AQP7B: variants seen among roughly 807,000 people sequenced by gnomAD.
AQP7B encodes the protein putative aquaporin-7B.
the AQP7B span, among the ~76,000 whole-genome samples, chr2:94,593,972 T>C: frequency 6.6e-6 from 1 of 152,166 alleles, no homozygotes; most frequent in African/African-American, 2.4e-5. Context: ...AGGATCTAGT[T>C]GAGAGTAAGA....
chr2:94,604,420 G>T, the AQP7B span: 27 of 1,611,262 alleles, frequency 1.7e-5, no homozygotes, highest in South Asian at 2.5e-4. Context: ...ACTCTGTGGC[G>T]TATGAAGACC....
chr2:94,595,775 C>T, the AQP7B span, among the ~76,000 whole-genome samples: 9 of 152,212 alleles, frequency 5.9e-5, no homozygotes, highest in East Asian at 7.8e-4. Context: ...GGCAAAGCGC[C>T]GATGAGCTGT....
At chr2:94,594,210 A>G in the AQP7B span, among the ~76,000 whole-genome samples, 1 of 152,304 alleles carries the variant, frequency 6.6e-6, no homozygotes, top group East Asian at 1.9e-4. Context: ...TTTTTGACAG[A>G]ACCTGGCACA....
chr2:94,603,401 C>T, the AQP7B span: 542 of 1,607,032 alleles, frequency 3.4e-4, no homozygotes, highest in Non-Finnish European at 4.3e-4. Flanking sequence ...CTCCACTTTT[C>T]GGGTGGAGAG....
the AQP7B span, among the ~76,000 whole-genome samples, chr2:94,597,489 T>A: frequency 6.6e-6 from 1 of 152,128 alleles, no homozygotes; most frequent in Non-Finnish European, 1.5e-5. Context: ...GTGAAGTAGG[T>A]ACTATTATTA....
the AQP7B span, among the ~76,000 whole-genome samples, chr2:94,601,984 C>A: frequency 1.3e-5 from 2 of 151,360 alleles, no homozygotes; most frequent in Admixed American, 6.6e-5. Flanking sequence ...ACAGTTAGGG[C>A]CCCACTGTTC....
chr2:94,599,157 G>A, the AQP7B span, among the ~76,000 whole-genome samples: 6 of 152,210 alleles, frequency 3.9e-5, no homozygotes, highest in East Asian at 1.2e-3. Flanking sequence ...AGGCCATGGG[G>A]GCCCCTCTGT....
the AQP7B span, chr2:94,588,493 T>C: frequency 1.5e-6 from 1 of 674,442 alleles, no homozygotes; most frequent in Non-Finnish European, 2.6e-6. Context: ...CTTTGGCTCC[T>C]CAGCATCTAC....
At chr2:94,599,654 T>A in the AQP7B span, among the ~76,000 whole-genome samples, 2 of 152,094 alleles carry the variant, frequency 1.3e-5, no homozygotes, top group Non-Finnish European at 2.9e-5. Flanking sequence ...TCCAGCCTAT[T>A]CAGGTACTTT....
chr2:94,589,592 G>A, the AQP7B span, among the ~76,000 whole-genome samples: 1 of 152,072 alleles, frequency 6.6e-6, no homozygotes, highest in African/African-American at 2.4e-5. Flanking sequence ...TTTCATTGCT[G>A]TCAGCTCCAC....
At chr2:94,595,307 C>A in the AQP7B span, among the ~76,000 whole-genome samples, 3 of 152,102 alleles carry the variant, frequency 2.0e-5, no homozygotes, top group Non-Finnish European at 4.4e-5. Flanking sequence ...TGGTGGCGGA[C>A]TCCTGTAATC....
the AQP7B span, among the ~76,000 whole-genome samples, chr2:94,591,299 G>A: frequency 4.6e-5 from 7 of 152,150 alleles, no homozygotes; most frequent in Admixed American, 2.0e-4. Context: ...TTCTCCCACA[G>A]CTTCTCTGCT....
chr2:94,588,187 G>C, the AQP7B span, among the ~76,000 whole-genome samples: 2 of 152,066 alleles, frequency 1.3e-5, no homozygotes, highest in African/African-American at 4.8e-5. Flanking sequence ...TATGAGGCTG[G>C]AGCCACTGAG....
chr2:94,594,474 T>C, the AQP7B span, among the ~76,000 whole-genome samples: 1 of 152,206 alleles, frequency 6.6e-6, no homozygotes, highest in South Asian at 2.1e-4. Flanking sequence ...CACTTGCCCG[T>C]CTGCAAAGTG....
chr2:94,600,239 T>G, the AQP7B span, among the ~76,000 whole-genome samples: 14 of 152,314 alleles, frequency 9.2e-5, no homozygotes, highest in African/African-American at 3.1e-4. Context: ...TCGGCCCTTA[T>G]GTCTACAATT....
the AQP7B span, among the ~76,000 whole-genome samples, chr2:94,589,167 GT>G: frequency 1.7e-3 from 230 of 136,490 alleles, no homozygotes; most frequent in African/African-American, 2.2e-3. Flanking sequence ...ATTAGTTGTT[GT>G]TTTTTTTTTT....
At chr2:94,602,802 T>C in the AQP7B span, among the ~76,000 whole-genome samples, 6 of 152,202 alleles carry the variant, frequency 3.9e-5, no homozygotes, top group Non-Finnish European at 8.8e-5. Flanking sequence ...TGGGCCCCCC[T>C]GACCTACCAT....
the AQP7B span, chr2:94,594,730 G>A: frequency 6.5e-7 from 1 of 1,530,748 alleles, no homozygotes. Context: ...CCTGGGCTCG[G>A]GCCACTGTCT....
chr2:94,604,497 C>T, the AQP7B span: 5 of 1,610,846 alleles, frequency 3.1e-6, no homozygotes, highest in South Asian at 1.1e-5. Flanking sequence ...ACCCTCATCT[C>T]CGTGAGCCTT....
Sources: gnomAD v4.1 joint callset for allele counts (sites outside exome capture counted in the v4.1 genomes callset) on GRCh38, gnomAD v4.1.1 for gene constraint, MANE v1.5 for transcripts, NCBI Gene and HGNC (gene_info 2026-07-23, HGNC 2026-07-21) for gene names.